FBXO46: variants seen among roughly 807,000 people sequenced by gnomAD.
FBXO46 encodes the protein F-box protein 46.
In FBXO46, 13 loss-of-function variants were observed where a neutral mutation model predicts 30.7. The ratio of observed to expected loss-of-function variants is 0.42; its 90% CI spans 0.28 to 0.67. FBXO46 has a LOEUF of 0.67. Ranked by LOEUF, FBXO46 falls within the 30% of genes least tolerant of loss-of-function variation. The probability of loss-of-function intolerance (pLI) is 0.21; values close to 1 mark genes in which losing one functional copy is unlikely to be tolerated. For synonymous variants in FBXO46, 467 were observed against 385.8 expected (o/e 1.21, Z -2.47); for missense variants, 754 against 871.5 (o/e 0.87, Z 1.70).
chr19:45,731,519 G>T (rs1380877226), upstream of FBXO46, among the ~76,000 whole-genome samples: 2 of 151,722 alleles, frequency 1.3e-5, no homozygotes, highest in South Asian at 2.1e-4. Flanking sequence ...GTTTCACCAT[G>T]TTGGTCAGGC....
At chr19:45,717,123 C>A (rs1171941086) in intron 1 of FBXO46, 1 of 152,190 alleles carries the variant, frequency 6.6e-6, no homozygotes, top group African/African-American at 2.4e-5. Context: ...TCCCCTAAAC[C>A]CACGTTAAAA....
At chr19:45,729,828 T>G (rs912858021) in intron 1 of FBXO46, among the ~76,000 whole-genome samples, 3 of 152,206 alleles carry the variant, frequency 2.0e-5, no homozygotes, top group African/African-American at 7.2e-5. Context: ...AGCCCCTACA[T>G]GCTTCTGAGC....
At chr19:45,731,684 T>C (rs1256357268), upstream of FBXO46, among the ~76,000 whole-genome samples, 4 of 151,720 alleles carry the variant, frequency 2.6e-5, no homozygotes, top group African/African-American at 7.3e-5. Context: ...GAAAGTCCCA[T>C]ACATTAGGAG....
chr19:45,729,118 T>C (rs116179699), intron 1 of FBXO46, among the ~76,000 whole-genome samples: 1 of 142,818 alleles, frequency 7.0e-6, no homozygotes, highest in African/African-American at 2.6e-5. Flanking sequence ...AAAACAAAAC[T>C]AAACAAAAAA....
chr19:45,719,313 C>T (rs1016713643), intron 1 of FBXO46, among the ~76,000 whole-genome samples: 7 of 151,616 alleles, frequency 4.6e-5, no homozygotes, highest in South Asian at 2.1e-4. Context: ...TGGATGATGA[C>T]GAAACAAAAT....
At chr19:45,731,581 C>T (rs1467732572), upstream of FBXO46, among the ~76,000 whole-genome samples, 3 of 151,682 alleles carry the variant, frequency 2.0e-5, no homozygotes, top group African/African-American at 4.8e-5. Flanking sequence ...TCCCAAAGTG[C>T]TGGGATTACA....
At position 45,713,074 on chromosome 19, in the gene FBXO46, G is replaced by A; in HGVS notation, c.422C>T (p.Thr141Ile). Residue 141 changes from threonine to isoleucine, a missense_variant, in exon 2 of 2, where the codon ACC becomes ATC. Thr to Ile is a moderately conservative substitution (Grantham distance 89). Around this residue, in one of 5 missense-constraint regions of FBXO46, gnomAD observed 454 missense variants for 426.5 expected, o/e 1.06. Coordinates refer to ENST00000317683, the MANE Select transcript of FBXO46 (RefSeq NM_001080469.2). The surrounding 1 kb of genome is among the most constrained non-coding windows in gnomAD (Gnocchi z 4.7). ...AKRRRRCLDPTKAPPDPGGRE... is the reference protein window; with the variant it reads ...AKRRRRCLDPIKAPPDPGGRE... Reference sequence around the variant, plus strand: ...GCCCCCTGGGTCAGGAGGAGCCTTGGTGGGGTCAAGACAGCGCCTCCGCCG... The same window carrying A: ...GCCCCCTGGGTCAGGAGGAGCCTTGATGGGGTCAAGACAGCGCCTCCGCCG... The A allele has an allele frequency of 6.3e-7, 1 of 1,585,542 alleles. No homozygotes were observed. The highest frequency in any genetic ancestry group is 8.6e-7 in the Non-Finnish European group (1 of 1,167,368).
chr19:45,711,597 GGGCA>G lies in FBXO46; in HGVS notation c.*83_*86del, dbSNP rs1967966272. ...TCAATGCTGCCTGGAGTAGGGGAATGGGCAGGCGGCCCAGTCCGGACCCTCGGCT... is the reference window on the plus strand; with the variant it reads ...TCAATGCTGCCTGGAGTAGGGGAATGGGCGGCCCAGTCCGGACCCTCGGCT... On this transcript the variant is annotated 3_prime_UTR_variant, in exon 2 of 2. Coordinates refer to ENST00000317683, the MANE Select transcript of FBXO46 (RefSeq NM_001080469.2). 9.8e-7 allele frequency: 1 copy of G among 1,020,306 alleles called. No individual in the cohort carries two copies. The highest frequency in any genetic ancestry group is 1.5e-6 in the Non-Finnish European group (1 of 676,378). 63.2% of individuals were successfully genotyped at this position (1,020,306 alleles called of 1,614,324 possible).
intron 1 of FBXO46, chr19:45,716,866 A>C (rs1216394695): frequency 6.6e-6 from 1 of 152,178 alleles, no homozygotes; most frequent in Admixed American, 6.5e-5. Flanking sequence ...GATGAGACAC[A>C]GGTGAAATCT....
At chr19:45,731,339 C>G (rs904344817), upstream of FBXO46, among the ~76,000 whole-genome samples, 12 of 141,602 alleles carry the variant, frequency 8.5e-5, no homozygotes, top group African/African-American at 2.9e-4. Flanking sequence ...TTTTTTGAGA[C>G]GGAGTCTTGC....
intron 1 of FBXO46, chr19:45,716,863 C>G (rs1399277397): frequency 2.0e-5 from 3 of 152,186 alleles, no homozygotes; most frequent in Non-Finnish European, 4.4e-5. Context: ...CCCGATGAGA[C>G]ACAGGTGAAA....
rs1296607521 is a variant in FBXO46 at position 45,712,408 on chromosome 19, C to A, written c.1088G>T (p.Gly363Val). 1 of 1,608,476 alleles carries A rather than the reference C, an allele frequency of 6.2e-7. No homozygotes were observed. Among genetic ancestry groups the A allele is most frequent in the South Asian group, 1.1e-5 (1 of 91,088 alleles). ...CGTCACCACCACGTCCACGTGGAAG[C>A]CTGACGCTCCGCAGTCCCGGGCAGG... The part of the protein sequence containing the change: ...PPPARDCGAS[G>V]FHVDVVVTGV... The change falls in exon 2 of 2, where the codon GGC becomes GTC. Residue 363 changes from glycine (G) to valine (V), a missense_variant. Physicochemically the swap from Gly to Val is moderately radical, Grantham distance 109. Around this residue, in one of 5 missense-constraint regions of FBXO46, gnomAD observed 454 missense variants for 426.5 expected, o/e 1.06. Transcript: ENST00000317683. This position sits in a 1 kb window ranked among gnomAD's most constrained non-coding sequence, Gnocchi z 8.8.
intron 1 of FBXO46, among the ~76,000 whole-genome samples, chr19:45,727,618 G>A (rs1352329027): frequency 7.9e-5 from 12 of 151,664 alleles, no homozygotes; most frequent in Admixed American, 7.9e-4. Flanking sequence ...CTTGGCCAAG[G>A]TCACACAGCA....
chr19:45,724,026 G>T (rs62111734), intron 1 of FBXO46, among the ~76,000 whole-genome samples: 1 of 152,240 alleles, frequency 6.6e-6, no homozygotes, highest in South Asian at 2.1e-4. Flanking sequence ...CATGTCACAG[G>T]TTTTGAAATA....
chr19:45,726,912 C>A (rs1968247172), intron 1 of FBXO46, among the ~76,000 whole-genome samples: 1 of 152,184 alleles, frequency 6.6e-6, no homozygotes, highest in Non-Finnish European at 1.5e-5. Context: ...GTTACCACGT[C>A]AACTCCTTAC....
At position 45,713,929 on chromosome 19, in the gene FBXO46, T is replaced by C. The variant is rs979358709; in HGVS notation, c.-78-356A>G. Among the ~76,000 whole-genome samples, 2 of 139,656 alleles carry C rather than the reference T, an allele frequency of 1.4e-5. No individual in the cohort carries two copies. The highest frequency in any genetic ancestry group is 3.0e-5 in the Non-Finnish European group (2 of 66,456). 91.6% of individuals were successfully genotyped at this position (139,656 alleles called of 152,430 possible). On this transcript the variant is annotated intron_variant, in intron 1 of 1. Coordinates refer to ENST00000317683, the MANE Select transcript of FBXO46 (RefSeq NM_001080469.2). This position sits in a 1 kb window ranked among gnomAD's most constrained non-coding sequence, Gnocchi z 4.7. ...GTTGCAGCGAGACCAGATGGCACCA[T>C]TACACTCCAGCCTGGGCGACAAGAG...
intron 1 of FBXO46, among the ~76,000 whole-genome samples, chr19:45,719,773 T>C (rs1261669815): frequency 6.6e-6 from 1 of 152,150 alleles, no homozygotes; most frequent in African/African-American, 2.4e-5. Context: ...GAATGGCTCA[T>C]GGGAAAGGGG....
At chr19:45,720,614 CG>C (rs1359482952) in intron 1 of FBXO46, among the ~76,000 whole-genome samples, 1 of 152,064 alleles carries the variant, frequency 6.6e-6, no homozygotes, top group Non-Finnish European at 1.5e-5. Context: ...TATACCAGCA[CG>C]CCCAGCTAAT....
At chr19:45,718,425 ACAC>A (rs956956734) in intron 1 of FBXO46, among the ~76,000 whole-genome samples, 28 of 151,944 alleles carry the variant, frequency 1.8e-4, no homozygotes, top group Non-Finnish European at 8.8e-5. Flanking sequence ...TAAGAAGCTG[ACAC>A]CCCCAATCCC....
Sources: gnomAD v4.1 joint callset for allele counts (sites outside exome capture counted in the v4.1 genomes callset) on GRCh38, gnomAD v4.1.1 for gene constraint, gnomAD v4.1.1 regional missense constraint, Gnocchi (gnomAD v3.1) non-coding constraint, MANE v1.5 for transcripts, NCBI Gene and HGNC (gene_info 2026-07-23, HGNC 2026-07-21) for gene names.